Variants in CCDC91 observed in about 807,000 individuals in gnomAD.
The protein encoded by CCDC91 is coiled-coil domain-containing protein 91.
CCDC91 carries 48 observed loss-of-function variants against 63.2 expected under a neutral mutation model. The observed-to-expected ratio is 0.76, with a 90% CI of 0.60 to 0.97. The LOEUF (loss-of-function observed/expected upper bound fraction) is 0.97. CCDC91 is among the 50% of genes least tolerant of loss of function. The pLI is 0.00. For synonymous variants in CCDC91, 167 were observed against 165.8 expected, an observed-to-expected ratio of 1.01 and a Z score of -0.06; for missense variants, 500 against 494.6, an observed-to-expected ratio of 1.01 and a Z score of -0.10.
At chr12:28,514,303 G>A (rs1383009443) in intron 12 of CCDC91, among the ~76,000 whole-genome samples, 3 of 151,752 alleles carry the variant, frequency 2.0e-5, no homozygotes, top group African/African-American at 7.3e-5. Flanking sequence ...ATTTTTTAAT[G>A]GAGTTGTTTT....
intron 1 of CCDC91, among the ~76,000 whole-genome samples, chr12:28,214,240 TG>T (rs1210944373): frequency 6.6e-6 from 1 of 152,188 alleles, no homozygotes; most frequent in East Asian, 1.9e-4. Context: ...GTTACTGTGC[TG>T]GCTTGACTGA....
intron 1 of CCDC91, among the ~76,000 whole-genome samples, chr12:28,254,730 G>A (rs1034277014): frequency 6.7e-6 from 1 of 148,620 alleles, no homozygotes; most frequent in Non-Finnish European, 1.5e-5. Flanking sequence ...TTTTTTAAAC[G>A]TATTAATATT....
At chr12:28,407,486 A>T (rs1430638955) in intron 8 of CCDC91, among the ~76,000 whole-genome samples, 1 of 152,106 alleles carries the variant, frequency 6.6e-6, no homozygotes, top group Non-Finnish European at 1.5e-5. Flanking sequence ...TTATTTTGCA[A>T]AGTTGTTTTG....
rs557370491 is a variant in CCDC91 at position 28,350,906 on chromosome 12, C to T, written c.577-11532C>T. Among the ~76,000 whole-genome samples the T allele has an allele frequency of 2.5e-4, 38 of 152,244 alleles. No individual in the cohort carries two copies. The South Asian group carries it at 7.7e-3, about 31-fold the overall frequency. The stretch of plus-strand genomic sequence containing the variant: ...AGGGCACATTCATAAATCTTTACCT[C>T]ATGGGTCCTTAATTATAATGCAAAG... On this transcript the variant is annotated intron_variant, in intron 6 of 12. Coordinates refer to ENST00000536442, the MANE Select transcript of CCDC91 (RefSeq NM_018318.5).
intron 1 of CCDC91, among the ~76,000 whole-genome samples, chr12:28,243,231 T>G (rs1250038082): frequency 6.6e-6 from 1 of 151,932 alleles, no homozygotes; most frequent in Non-Finnish European, 1.5e-5. Context: ...GTAGGGTGAG[T>G]CAAGTAGGTT....
chr12:28,518,140 G>A (rs2141374188), intron 12 of CCDC91, among the ~76,000 whole-genome samples: 1 of 151,998 alleles, frequency 6.6e-6, no homozygotes, highest in East Asian at 1.9e-4. Flanking sequence ...TTTTCTCTGG[G>A]TAGATACCCA....
chr12:28,461,258 G>T (rs1297944453), intron 11 of CCDC91, among the ~76,000 whole-genome samples: 1 of 152,050 alleles, frequency 6.6e-6, no homozygotes, highest in South Asian at 2.1e-4. Flanking sequence ...AGCAAAATGT[G>T]CATCGTTTTA....
chr12:28,316,856 T>C (rs546496281), intron 6 of CCDC91, among the ~76,000 whole-genome samples: 1 of 152,124 alleles, frequency 6.6e-6, no homozygotes, highest in East Asian at 1.9e-4. Context: ...CTTCTCTCTC[T>C]ATTGTCTCTG....
At chr12:28,402,067 A>C (rs926421446) in intron 8 of CCDC91, among the ~76,000 whole-genome samples, 1 of 152,102 alleles carries the variant, frequency 6.6e-6, no homozygotes, top group Non-Finnish European at 1.5e-5. Context: ...CCATTGATCT[A>C]GTATTTCTCA....
At chr12:28,396,928 C>T (rs1279847130) in intron 8 of CCDC91, among the ~76,000 whole-genome samples, 8 of 151,876 alleles carry the variant, frequency 5.3e-5, no homozygotes, top group East Asian at 3.9e-4. Context: ...GGAGAACTTA[C>T]GAGAAAGCTG....
At chr12:28,485,186 G>C (rs1951655767) in intron 12 of CCDC91, among the ~76,000 whole-genome samples, 1 of 151,146 alleles carries the variant, frequency 6.6e-6, no homozygotes, top group Admixed American at 6.6e-5. Context: ...TGAGACAGAG[G>C]CTTGCTCTGT....
At chr12:28,516,390 C>T (rs1333010706) in intron 12 of CCDC91, among the ~76,000 whole-genome samples, 1 of 151,738 alleles carries the variant, frequency 6.6e-6, no homozygotes, top group Non-Finnish European at 1.5e-5. Context: ...ATTGCTTGAG[C>T]CCAGGAATTC....
chr12:28,200,009 G>A (rs999029179), intron 1 of CCDC91, among the ~76,000 whole-genome samples: 8 of 152,094 alleles, frequency 5.3e-5, no homozygotes, highest in South Asian at 2.1e-4. Flanking sequence ...TCCTTGTATC[G>A]TTTCTTCAAA....
At chr12:28,462,752 A>G (rs1377990018) in intron 11 of CCDC91, among the ~76,000 whole-genome samples, 1 of 152,130 alleles carries the variant, frequency 6.6e-6, no homozygotes, top group East Asian at 1.9e-4. Flanking sequence ...TAAGATAGAC[A>G]AGTAAACTGA....
chr12:28,360,787 T>C (rs1368127649), intron 6 of CCDC91, among the ~76,000 whole-genome samples: 1 of 152,194 alleles, frequency 6.6e-6, no homozygotes, highest in Non-Finnish European at 1.5e-5. Context: ...TTTCACATTC[T>C]CTGGAAGAGT....
rs559947764 is a variant in CCDC91 at position 28,265,685 on chromosome 12, C to T, written c.109+6243C>T. ...TCTATGAGAGCTCAGAACCTGAGTC[C>T]ACAAATTTTTGTTTGAGGAAAAATT... On this transcript the variant is annotated intron_variant, in intron 3 of 12. Coordinates refer to ENST00000536442, the MANE Select transcript of CCDC91 (RefSeq NM_018318.5). Among the ~76,000 whole-genome samples the T allele has an allele frequency of 4.6e-5, 7 of 152,048 alleles. No individual in the cohort carries two copies. The East Asian group carries it at 1.4e-3, about 29-fold the overall frequency.
At chr12:28,500,171 CG>C (rs1196969382) in intron 12 of CCDC91, among the ~76,000 whole-genome samples, 1 of 148,488 alleles carries the variant, frequency 6.7e-6, no homozygotes, top group East Asian at 1.9e-4. Context: ...TCGTATCCTT[CG>C]CCCACTTTTT....
intron 6 of CCDC91, among the ~76,000 whole-genome samples, chr12:28,309,189 GTGTGTCTTTTCAGTGCC>G (rs1939058786): frequency 6.6e-6 from 1 of 151,968 alleles, no homozygotes; most frequent in Admixed American, 6.6e-5. Context: ...AACGCAGGCA[GTGTGTCTTTTCAGTGCC>G]TGTGATGACA....
At chr12:28,479,688 G>A (rs1312887483) in intron 11 of CCDC91, among the ~76,000 whole-genome samples, 1 of 151,912 alleles carries the variant, frequency 6.6e-6, no homozygotes, top group Non-Finnish European at 1.5e-5. Flanking sequence ...CAAATTTCTG[G>A]CATATATACC....
Sources: allele counts gnomAD v4.1 joint callset (sites outside exome capture counted in the v4.1 genomes callset), GRCh38; gene constraint gnomAD v4.1.1; transcripts MANE v1.5; gene names NCBI Gene and HGNC (gene_info 2026-07-23, HGNC 2026-07-21).